Variants in ARHGEF10 observed in about 807,000 individuals in gnomAD.
ARHGEF10 encodes Rho guanine nucleotide exchange factor (GEF) 10.
In ARHGEF10, 140 loss-of-function variants were observed where a neutral mutation model predicts 147.4. The observed-to-expected ratio is 0.95, with a 90% CI of 0.83 to 1.09. The LOEUF is 1.09. Among genes scored for constraint, ARHGEF10 ranks in the 50% least tolerant of loss-of-function variants. The pLI is 0.00. For synonymous variants in ARHGEF10, 902 were observed against 695.8 expected (o/e 1.30, Z -4.67); for missense variants, 2,222 against 1,752.7 (o/e 1.27, Z -4.78).
rs780731501 is a variant in ARHGEF10, at chr8:1,885,657, C to T, written c.1132C>T (p.His378Tyr). ...TTTGTTCATTGATGTTGACTGCAAG[C>T]ACCCGGAAGCCATCTTGACCCCGAT... ...QNLFIDVDCK[H>Y]PEAILTPMPE... is the part of the protein sequence containing the mutation. Residue 378 changes from histidine (H) to tyrosine (Y), a missense_variant, in exon 11 of 29, where the codon CAC becomes TAC. Physicochemically the swap from His to Tyr is moderately conservative, Grantham distance 83 (BLOSUM62 2). Coordinates refer to ENST00000349830, the MANE Select transcript of ARHGEF10 (RefSeq NM_014629.4). The T allele has an allele frequency of 1.5e-5, 25 of 1,614,016 alleles. No homozygotes were observed. In the South Asian group the frequency reaches 2.4e-4, roughly 16 times the overall value.
chr8:1,864,660 C>A (rs1028472989), intron 5 of ARHGEF10, among the ~76,000 whole-genome samples: 6 of 152,220 alleles, frequency 3.9e-5, no homozygotes, highest in African/African-American at 1.4e-4. Context: ...TGATTTCAGG[C>A]GTCCAGGTGT....
At chr8:1,890,312 G>A (rs1185904862) in intron 11 of ARHGEF10, among the ~76,000 whole-genome samples, 1 of 149,630 alleles carries the variant, frequency 6.7e-6, no homozygotes, top group African/African-American at 2.5e-5. Context: ...CACTGATGGG[G>A]TGAGGGTTGT....
chr8:1,926,331 C>G, intron 22 of ARHGEF10, 46 bp from the exon 23 acceptor site: 1 of 1,518,912 alleles, frequency 6.6e-7, no homozygotes, highest in Non-Finnish European at 9.1e-7. Flanking sequence ...CTAGGAGCCT[C>G]TTAGCTCTGT....
At chr8:1,870,399 T>TA (rs1218903765) in intron 7 of ARHGEF10, 4 of 152,156 alleles carry the variant, frequency 2.6e-5, no homozygotes, top group Non-Finnish European at 5.9e-5. Flanking sequence ...TTGCAAATCA[T>TA]ATGAGAAAAG....
chr8:1,844,171 CTG>C (rs944391812), intron 2 of ARHGEF10, among the ~76,000 whole-genome samples: 7 of 152,074 alleles, frequency 4.6e-5, no homozygotes, highest in African/African-American at 1.4e-4. Flanking sequence ...ACGGAATTAA[CTG>C]TGTGGGCTCC....
Position 1,866,576 on chromosome 8 carries a change from A to G in ARHGEF10, c.596A>G (p.Asp199Gly). 6.2e-7 allele frequency: 1 copy of G among 1,607,400 alleles called. No individual in the cohort carries two copies. The highest frequency in any genetic ancestry group is 8.5e-7 in the Non-Finnish European group (1 of 1,179,964). ...AGCGCACTTGCCCGCTGGGCCGCAG[A>G]CCCGGCCAACACAGCCTGGATGGAG... is the stretch of plus-strand genomic sequence containing the variant. ...EDSALARWAA[D>G]PANTAWMENP... Residue 199 changes from aspartate to glycine, a missense_variant, in exon 6 of 29, where the codon GAC (aspartate) becomes GGC (glycine). By Grantham distance (94) the Asp-to-Gly change is moderately conservative (BLOSUM62 -1). Coordinates refer to ENST00000349830, the MANE Select transcript of ARHGEF10 (RefSeq NM_014629.4).
intron 18 of ARHGEF10, among the ~76,000 whole-genome samples, chr8:1,915,668 G>A (rs1009752296): frequency 4.6e-5 from 7 of 152,212 alleles, no homozygotes; most frequent in Middle Eastern, 6.3e-3. Flanking sequence ...TATATCTCCC[G>A]TTACCTCAGG....
At chr8:1,925,905 C>T (rs192687737) in intron 22 of ARHGEF10, among the ~76,000 whole-genome samples, 49 of 152,344 alleles carry the variant, frequency 3.2e-4, no homozygotes, top group Admixed American at 8.5e-4. Flanking sequence ...ATGTCTTATT[C>T]TTTAAGAAAT....
intron 13 of ARHGEF10, 39 bp downstream of exon 13, chr8:1,894,611 C>T (rs1648884422): frequency 6.2e-7 from 1 of 1,604,752 alleles, no homozygotes; most frequent in East Asian, 2.2e-5. Flanking sequence ...ATGGGGCTCT[C>T]CATGCACCTG....
At position 1,958,009 on chromosome 8, in the gene ARHGEF10, A is replaced by C. The variant is rs1021363117; in HGVS notation, c.*746A>C. The stretch of plus-strand genomic sequence containing the variant: ...TGCCTATCAACATTTGGACTCAAGC[A>C]TCAACACCAAATTATTCCTCCCTTC... On this transcript the variant is annotated 3_prime_UTR_variant, in exon 29 of 29. Coordinates refer to ENST00000349830, the MANE Select transcript of ARHGEF10 (RefSeq NM_014629.4). 1 of 152,278 alleles carries C rather than the reference A, an allele frequency of 6.6e-6. No homozygotes were observed. The highest frequency in any genetic ancestry group is 1.5e-5 in the Non-Finnish European group (1 of 68,056). 9.4% of individuals were successfully genotyped at this position (152,278 alleles called of 1,614,324 possible). A position where few individuals can be genotyped will look rare whatever the true frequency, so the allele number is the denominator to read the frequency against.
At chr8:1,836,168 A>G (rs1161359628) in intron 1 of ARHGEF10, among the ~76,000 whole-genome samples, 4 of 144,604 alleles carry the variant, frequency 2.8e-5, no homozygotes, top group South Asian at 4.5e-4. Context: ...GCGACAGAGC[A>G]AGACTCTGCC....
chr8:1,901,147 T>C (rs967840707), intron 15 of ARHGEF10, among the ~76,000 whole-genome samples: 1 of 152,050 alleles, frequency 6.6e-6, no homozygotes, highest in Admixed American at 6.5e-5. Flanking sequence ...CAGGTGTGGG[T>C]ACTCAGGGCA....
chr8:1,862,800 A>G (rs1326826089), intron 4 of ARHGEF10, among the ~76,000 whole-genome samples: 1 of 131,366 alleles, frequency 7.6e-6, no homozygotes, highest in Non-Finnish European at 1.6e-5. Flanking sequence ...TTTTTTTGAG[A>G]CAGAGTCTCG....
rs774258882 is a variant in ARHGEF10 at position 1,893,621 on chromosome 8, T to C, written c.1235T>C (p.Val412Ala). The C allele has an allele frequency of 1.3e-5, 21 of 1,613,096 alleles. No individual in the cohort carries two copies. The highest frequency in any genetic ancestry group is 4.4e-5 in the South Asian group (4 of 91,068). ...GTTGTCGACAGTGAAAAGAACTACG[T>C]AGATGCTCTTAAGAGGATTTTGGAG... is the stretch of plus-strand genomic sequence containing the variant. ...GSVVDSEKNY[V>A]DALKRILEQY... The change falls in exon 12 of 29, where the codon GTA (valine) becomes GCA (alanine). Residue 412 changes from valine to alanine, a missense_variant. Physicochemically the swap from Val to Ala is moderately conservative, Grantham distance 64. Coordinates refer to ENST00000349830, the MANE Select transcript of ARHGEF10 (RefSeq NM_014629.4).
In ARHGEF10 at chr8:1,888,232, GTGAGTGTGGTGAGGGTTGCGAGGAGATGC is replaced by G. The variant is rs1563234121; in HGVS notation, c.1182+2532_1182+2560del. 1.8e-4 allele frequency among the ~76,000 whole-genome samples: 7 copies of G among 39,500 alleles called. 3 individuals are homozygous for G. The highest frequency in any genetic ancestry group is 4.5e-4 in the African/African-American group (5 of 11,006). 25.9% of individuals were successfully genotyped at this position (39,500 alleles called of 152,430 possible). A position where few individuals can be genotyped will look rare whatever the true frequency, so the allele number is the denominator to read the frequency against. On this transcript the variant is annotated intron_variant, in intron 11 of 28. Transcript: ENST00000349830. ...GTGGGGCGAGGGTTGCGAGGAGACA[GTGAGTGTGGTGAGGGTTGCGAGGAGATGC>G]TGAGTGGGGCTGTAGGTTCTGAGGA...
Position 1,888,271 on chromosome 8 carries a change from CTGTAGGTTCTGAGGAGGGGTGGGGT to C in ARHGEF10, c.1182+2565_1182+2589del, listed in dbSNP as rs1282241774. ...GGTTGCGAGGAGATGCTGAGTGGGG[CTGTAGGTTCTGAGGAGGGGTGGGGT>C]GAGGGTTTGTGAGGATATGCTGAGT... On this transcript the variant is annotated intron_variant, in intron 11 of 28. Coordinates refer to ENST00000349830, the MANE Select transcript of ARHGEF10 (RefSeq NM_014629.4). Among the ~76,000 whole-genome samples, 23 of 46,856 alleles carry C rather than the reference CTGTAGGTTCTGAGGAGGGGTGGGGT, an allele frequency of 4.9e-4. No homozygotes were observed. The East Asian group carries it at 5.9e-3, about 12-fold the overall frequency. The allele number at this position is 46,856 out of a possible 152,430, so 30.7% of individuals were successfully genotyped here. A position where few individuals can be genotyped will look rare whatever the true frequency, so the allele number is the denominator to read the frequency against.
chr8:1,925,297 A>G lies in ARHGEF10; in HGVS notation c.2503A>G (p.Met835Val), dbSNP rs535075528. Reference protein sequence around the residue: ...AKLALEEENHMGWFCVEDDGN... With the variant: ...AKLALEEENHVGWFCVEDDGN... ...TATAATTGCAGAAGAGGAGAACCAC[A>G]TGGGCTGGTTCTGTGTGGAAGACGA... Residue 835 changes from methionine to valine, a missense_variant, in exon 22 of 29, where the codon ATG (methionine) becomes GTG (valine). Met to Val is a conservative substitution (Grantham distance 21, BLOSUM62 1). Transcript: ENST00000349830. 1.7e-5 allele frequency: 27 copies of G among 1,614,186 alleles called. No individual in the cohort carries two copies. Among genetic ancestry groups the G allele is most frequent in the African/African-American group, 2.7e-5 (2 of 75,048 alleles).
chr8:1,840,537 A>AAT (rs1200993843), intron 1 of ARHGEF10, among the ~76,000 whole-genome samples: 26 of 140,202 alleles, frequency 1.9e-4, no homozygotes, highest in African/African-American at 6.9e-4. Flanking sequence ...CGGTGTGGGG[A>AAT]CTGTCCGGTG....
Position 1,944,303 on chromosome 8 carries a change from CCT to C in ARHGEF10, c.3223-1174_3223-1173del, listed in dbSNP as rs1814379914. Among the ~76,000 whole-genome samples, 3 of 151,710 alleles carry C rather than the reference CCT, an allele frequency of 2.0e-5. No individual in the cohort carries two copies. The South Asian group carries it at 6.3e-4, about 32-fold the overall frequency. ...TGCGTGCCCAGCCTGAGGACACAGT[CCT>C]CTCCTCAGCTCTCAGGCCCTGCAGC... On this transcript the variant is annotated intron_variant, in intron 26 of 28. Coordinates refer to ENST00000349830, the MANE Select transcript of ARHGEF10 (RefSeq NM_014629.4).
Sources: allele counts gnomAD v4.1 joint callset (sites outside exome capture counted in the v4.1 genomes callset), GRCh38; gene constraint gnomAD v4.1.1; transcripts MANE v1.5; gene names NCBI Gene and HGNC (gene_info 2026-07-23, HGNC 2026-07-21).